DBN1: variants seen among roughly 807,000 people sequenced by gnomAD.
DBN1 encodes the protein drebrin.
In DBN1, 21 loss-of-function variants were observed where a neutral mutation model predicts 83.5. The ratio of observed to expected loss-of-function variants is 0.25; its 90% CI spans 0.18 to 0.36. The LOEUF is 0.36. Among genes scored for constraint, DBN1 ranks in the 10% least tolerant of loss-of-function variants. DBN1 has a pLI of 1.00. For synonymous variants in DBN1, 381 were observed against 384.9 expected (o/e 0.99, Z 0.12); for missense variants, 874 against 935.7 (o/e 0.93, Z 0.86).
chr5:177,467,167 G>C lies in DBN1; in HGVS notation c.555+88C>G. ...GCGCTGGGGGCGGGGCACGTGGCAT[G>C]GGCCATGCCACTGCAGTGAGGGACT... On this transcript the variant is annotated intron_variant, in intron 6 of 14. Transcript: ENST00000393565. The surrounding 1 kb of genome is among the most constrained non-coding windows in gnomAD (Gnocchi z 9.1). 6.2e-7 allele frequency: 1 copy of C among 1,605,772 alleles called. No individual in the cohort carries two copies. Among genetic ancestry groups the C allele is most frequent in the South Asian group, 1.1e-5 (1 of 90,854 alleles).
rs1031662801 is a variant in DBN1, at chr5:177,457,348, C to T, written c.*85G>A. The T allele has an allele frequency of 2.3e-5, 27 of 1,193,896 alleles. No homozygotes were observed. The highest frequency in any genetic ancestry group is 3.2e-5 in the Non-Finnish European group (26 of 801,120). 74.0% of individuals were successfully genotyped at this position (1,193,896 alleles called of 1,614,324 possible). On this transcript the variant is annotated 3_prime_UTR_variant, in exon 15 of 15. Transcript: ENST00000393565. ...GAGTGGGTGCCAGGCGGAGCTGCTG[C>T]GAATGCAGGCACGGCGGGCCGTCTG... is the stretch of plus-strand genomic sequence containing the variant.
intron 1 of DBN1, chr5:177,472,955 C>T: frequency 5.5e-6 from 3 of 542,462 alleles, no homozygotes; most frequent in South Asian, 1.6e-4. Context: ...CCCGCCCTCG[C>T]TTTCCTTTGT....
Position 177,468,160 on chromosome 5 carries a change from C to T in DBN1, c.203G>A (p.Cys68Tyr). ...FENQKVMYGF[C>Y]SVKDSQAALP... is the part of the protein sequence containing the mutation. ...AGCAGCTTGGGAGTCCTTGACACTGCAGAAGCCGTACATCACCTTCTGGTT... is the reference window on the plus strand; with the variant it reads ...AGCAGCTTGGGAGTCCTTGACACTGTAGAAGCCGTACATCACCTTCTGGTT... The change falls in exon 3 of 15, where the codon TGC (cysteine) becomes TAC (tyrosine). Residue 68 changes from cysteine (C) to tyrosine (Y), a missense_variant. Cys to Tyr is a radical substitution (Grantham distance 194). Coordinates refer to ENST00000393565, the MANE Select transcript of DBN1 (RefSeq NM_001363541.2). The T allele has an allele frequency of 6.2e-7, 1 of 1,614,160 alleles. No individual in the cohort carries two copies. Among genetic ancestry groups the T allele is most frequent in the Non-Finnish European group, 8.5e-7 (1 of 1,180,030 alleles).
intron 8 of DBN1, among the ~76,000 whole-genome samples, chr5:177,464,905 A>G (rs922339061): frequency 6.6e-6 from 1 of 152,044 alleles, no homozygotes; most frequent in Admixed American, 6.5e-5. Context: ...CTGTAATCCC[A>G]GCACTTTGGG....
intron 11 of DBN1, 65 bp downstream of exon 11, chr5:177,459,538 C>CG (rs1756849100): frequency 7.3e-7 from 1 of 1,379,180 alleles, no homozygotes; most frequent in African/African-American, 1.6e-5. Context: ...GGAGTGAGGG[C>CG]GGGGGGCTGC....
intron 1 of DBN1, 109 bp downstream of exon 1, chr5:177,473,327 T>G: frequency 2.8e-5 from 16 of 575,974 alleles, no homozygotes; most frequent in South Asian, 3.9e-5. Flanking sequence ...GCTGCACCAT[T>G]TCGGGGTCCC....
chr5:177,466,703 G>T lies in DBN1; in HGVS notation c.771+69C>A, dbSNP rs1238597390. Reference sequence around the variant, plus strand: ...CCCTGAGCCACTGATCTCCCCACAAGGCCCAGGAACACAGGGACCATTCTC... The same window carrying T: ...CCCTGAGCCACTGATCTCCCCACAATGCCCAGGAACACAGGGACCATTCTC... On this transcript the variant is annotated intron_variant, in intron 8 of 14. Coordinates refer to ENST00000393565, the MANE Select transcript of DBN1 (RefSeq NM_001363541.2). This position sits in a 1 kb window ranked among gnomAD's most constrained non-coding sequence, Gnocchi z 4.8. 2 of 1,563,662 alleles carry T rather than the reference G, an allele frequency of 1.3e-6. No individual in the cohort carries two copies. The highest frequency in any genetic ancestry group is 4.5e-5 in the East Asian group (2 of 44,656).
Position 177,473,555 on chromosome 5 carries a change from C to G in DBN1, c.-34G>C. On this transcript the variant is annotated 5_prime_UTR_variant, in exon 1 of 15. Transcript: ENST00000393565. Reference sequence around the variant, plus strand: ...CCGGACCGGGCCGAACGGACAGACGCGCGGACGGACGGGCGGACGGAGGAG... The same window carrying G: ...CCGGACCGGGCCGAACGGACAGACGGGCGGACGGACGGGCGGACGGAGGAG... 7.9e-7 allele frequency: 1 copy of G among 1,265,754 alleles called. No individual in the cohort carries two copies. Among genetic ancestry groups the G allele is most frequent in the African/African-American group, 1.6e-5 (1 of 63,628 alleles). The allele number at this position is 1,265,754 out of a possible 1,614,324, so 78.4% of individuals were successfully genotyped here.
At chr5:177,462,514 C>T (rs1206312577) in intron 8 of DBN1, 4 of 612,178 alleles carry the variant, frequency 6.5e-6, no homozygotes, top group Non-Finnish European at 8.2e-6. Flanking sequence ...TTCCTGTTTC[C>T]GGAGGCACCT....
chr5:177,460,762 CT>C, intron 8 of DBN1, 59 bp from the exon 9 acceptor site: 2 of 1,530,910 alleles, frequency 1.3e-6, no homozygotes. Flanking sequence ...TTTTGGCCTT[CT>C]TTTTTACTGT....
Position 177,456,666 on chromosome 5 carries a change from T to C in DBN1, c.*767A>G, listed in dbSNP as rs1581709834. 9.4e-6 allele frequency: 1 copy of C among 106,350 alleles called. No individual in the cohort carries two copies. Among genetic ancestry groups the C allele is most frequent in the African/African-American group, 3.7e-5 (1 of 27,068 alleles). 6.6% of individuals were successfully genotyped at this position (106,350 alleles called of 1,614,324 possible). On this transcript the variant is annotated 3_prime_UTR_variant, in exon 15 of 15. Transcript: ENST00000393565. ...GAGCACGACCCGTTACAGAAGTTTG[T>C]GCTTTCCAAAAAAAAAAAAAAAAAA...
Position 177,467,733 on chromosome 5 carries a change from T to C in DBN1, c.330+10A>G. 2 of 1,552,578 alleles carry C rather than the reference T, an allele frequency of 1.3e-6. No homozygotes were observed. The highest frequency in any genetic ancestry group is 1.7e-6 in the Non-Finnish European group (2 of 1,147,972). On this transcript the variant is annotated intron_variant, in intron 4 of 14. Coordinates refer to ENST00000393565, the MANE Select transcript of DBN1 (RefSeq NM_001363541.2). This position sits in a 1 kb window ranked among gnomAD's most constrained non-coding sequence, Gnocchi z 9.1. ...CCCCACCCCCAAGAGCGCTGGCCCCTGACACGCACCTGGAAGAACTCCGCC... is the reference window on the plus strand; with the variant it reads ...CCCCACCCCCAAGAGCGCTGGCCCCCGACACGCACCTGGAAGAACTCCGCC...
chr5:177,459,404 C>A, intron 11 of DBN1, 136 bp from the exon 12 acceptor site: 1 of 1,435,002 alleles, frequency 7.0e-7, no homozygotes, highest in South Asian at 1.4e-5. Flanking sequence ...CCACCAGGGG[C>A]CAGACTACAG....
chr5:177,463,378 G>A (rs952254750), intron 8 of DBN1, among the ~76,000 whole-genome samples: 10 of 152,168 alleles, frequency 6.6e-5, no homozygotes, highest in African/African-American at 1.9e-4. Flanking sequence ...TGTGAACACT[G>A]AAACAAGTAA....
At chr5:177,464,971 G>T (rs750097720) in intron 8 of DBN1, among the ~76,000 whole-genome samples, 8 of 152,056 alleles carry the variant, frequency 5.3e-5, no homozygotes, top group Non-Finnish European at 1.2e-4. Context: ...TGGCTAACAT[G>T]GTGAAACCCC....
At position 177,456,855 on chromosome 5, in the gene DBN1, G is replaced by A. The variant is rs1756533408; in HGVS notation, c.*578C>T. ...CGGCAGGAGACGGGGGGTAGCCGAG[G>A]GGCCCCAGCTGGGCCTGCTACTTCC... On this transcript the variant is annotated 3_prime_UTR_variant, in exon 15 of 15. Coordinates refer to ENST00000393565, the MANE Select transcript of DBN1 (RefSeq NM_001363541.2). The A allele has an allele frequency of 6.5e-6, 1 of 153,444 alleles. No individual in the cohort carries two copies. The highest frequency in any genetic ancestry group is 2.4e-5 in the African/African-American group (1 of 41,372). 9.5% of individuals were successfully genotyped at this position (153,444 alleles called of 1,614,324 possible). A position where few individuals can be genotyped will look rare whatever the true frequency, so the allele number is the denominator to read the frequency against.
intron 8 of DBN1, among the ~76,000 whole-genome samples, chr5:177,465,345 T>C (rs928312860): frequency 5.9e-5 from 9 of 152,132 alleles, no homozygotes; most frequent in Non-Finnish European, 1.3e-4. Context: ...ACAAACACCG[T>C]GCGATTCCAC....
At chr5:177,463,100 G>A (rs1205896167) in intron 8 of DBN1, among the ~76,000 whole-genome samples, 6 of 151,738 alleles carry the variant, frequency 4.0e-5, no homozygotes, top group African/African-American at 1.5e-4. Flanking sequence ...GCAGTGGCGA[G>A]ATCTCGGCTC....
rs113977003 is a variant in DBN1, at chr5:177,460,053, A to G, written c.956-313T>C. 2.6e-3 allele frequency among the ~76,000 whole-genome samples: 399 copies of G among 152,306 alleles called. 3 individuals are homozygous for G. Among genetic ancestry groups the G allele is most frequent in the African/African-American group, 8.2e-3 (340 of 41,566 alleles). Reference sequence around the variant, plus strand: ...GCACACTGAGAAGCGGAACGGGGACACCTGGGTGCAAGCTCCGGGAGGCTC... The same window carrying G: ...GCACACTGAGAAGCGGAACGGGGACGCCTGGGTGCAAGCTCCGGGAGGCTC... On this transcript the variant is annotated intron_variant, in intron 10 of 14. Transcript: ENST00000393565.
Sources: gnomAD v4.1 joint callset for allele counts (sites outside exome capture counted in the v4.1 genomes callset) on GRCh38, gnomAD v4.1.1 for gene constraint, Gnocchi (gnomAD v3.1) non-coding constraint, MANE v1.5 for transcripts, NCBI Gene and HGNC (gene_info 2026-07-23, HGNC 2026-07-21) for gene names.